MMS22L: variants seen among roughly 807,000 people sequenced by gnomAD.
MMS22L encodes protein MMS22-like.
A neutral mutation model predicts 159.1 loss-of-function variants in MMS22L; 74 were observed. The observed-to-expected ratio is 0.47, with a 90% CI of 0.39 to 0.56. The LOEUF is 0.56. MMS22L is among the 20% of genes least tolerant of loss of function. The pLI, the probability that MMS22L is intolerant of heterozygous loss-of-function variation, is 0.00. For missense variants in MMS22L, 1,351 were observed against 1,422.1 expected, an observed-to-expected ratio of 0.95 and a Z score of 0.80; for synonymous variants, 517 against 506.9, an observed-to-expected ratio of 1.02 and a Z score of -0.27.
chr6:97,148,515 C>T (rs1801025405), intron 24 of MMS22L, among the ~76,000 whole-genome samples: 1 of 151,900 alleles, frequency 6.6e-6, no homozygotes, highest in African/African-American at 2.4e-5. Context: ...CATCCTGACC[C>T]TGTGTAGGCT....
chr6:97,184,649 A>G (rs766975485), intron 15 of MMS22L, among the ~76,000 whole-genome samples: 19 of 152,032 alleles, frequency 1.2e-4, no homozygotes, highest in Non-Finnish European at 2.6e-4. Flanking sequence ...TGTCATCTCT[A>G]CCTTGAAAAT....
At chr6:97,269,832 C>T (rs937244435) in intron 7 of MMS22L, 70 bp downstream of exon 7, 3 of 1,111,402 alleles carry the variant, frequency 2.7e-6, no homozygotes, top group African/African-American at 3.2e-5. Flanking sequence ...GCACTTATTA[C>T]TTATGTAATT....
At chr6:97,264,384 T>A (rs1814846513) in intron 8 of MMS22L, 1 of 152,006 alleles carries the variant, frequency 6.6e-6, no homozygotes, top group African/African-American at 2.4e-5. Context: ...AATAAAAAAA[T>A]CCTCAGCAGC....
At chr6:97,181,725 A>G (rs1339152587) in intron 16 of MMS22L, among the ~76,000 whole-genome samples, 179 bp downstream of exon 16, 1 of 152,056 alleles carries the variant, frequency 6.6e-6, no homozygotes, top group Non-Finnish European at 1.5e-5. Flanking sequence ...ACAAAATATA[A>G]GTTAGTGTTC....
chr6:97,270,282 A>G, intron 6 of MMS22L: 1 of 541,396 alleles, frequency 1.8e-6, no homozygotes, highest in Non-Finnish European at 3.5e-6. Context: ...ATTCTACTAC[A>G]GCTGCAAGGC....
Position 97,283,161 on chromosome 6 carries a change from G to T in MMS22L, c.-142C>A, listed in dbSNP as rs1816927645. On this transcript the variant is annotated 5_prime_UTR_variant, in exon 1 of 25. Transcript: ENST00000683635. ...CCAGACCACCAACAGGAATCTTTGG[G>T]GTCTAAACCGCAAACAGGCGAAATT... 6.6e-6 allele frequency: 1 copy of T among 152,196 alleles called. No individual in the cohort carries two copies. Among genetic ancestry groups the T allele is most frequent in the Non-Finnish European group, 1.5e-5 (1 of 68,058 alleles). 9.4% of individuals were successfully genotyped at this position (152,196 alleles called of 1,614,324 possible). A position where few individuals can be genotyped will look rare whatever the true frequency, so the allele number is the denominator to read the frequency against.
At chr6:97,241,210 T>C (rs1447415982) in intron 11 of MMS22L, among the ~76,000 whole-genome samples, 2 of 152,238 alleles carry the variant, frequency 1.3e-5, no homozygotes, top group South Asian at 2.1e-4. Flanking sequence ...CACTCATTGA[T>C]TGATGGGTAT....
At chr6:97,153,026 A>G (rs566343187) in intron 22 of MMS22L, among the ~76,000 whole-genome samples, 6 of 151,886 alleles carry the variant, frequency 4.0e-5, no homozygotes, top group Admixed American at 3.3e-4. Context: ...CTTTTTGTAG[A>G]GATGGAGGTC....
chr6:97,150,935 C>A (rs535663935), intron 23 of MMS22L, among the ~76,000 whole-genome samples: 1 of 152,242 alleles, frequency 6.6e-6, no homozygotes, highest in African/African-American at 2.4e-5. Context: ...AGAAAATATG[C>A]CTCAAGTTGC....
rs1395971283 is a variant in MMS22L at position 97,231,635 on chromosome 6, A to T, written c.1320T>A (p.Ile440=). Reference sequence around the variant, plus strand: ...CAAGGCCTTTAAAAGGAAGCCAAGAAATACTGAAGGAACTATTCTAAAAGG... The same window carrying T: ...CAAGGCCTTTAAAAGGAAGCCAAGATATACTGAAGGAACTATTCTAAAAGG... ...YSKNLNSSFS[I]SWLPFKGLAN... Residue 440 remains isoleucine (I), a synonymous_variant, in exon 13 of 25, where the codon ATT becomes ATA. Transcript: ENST00000683635. The T allele has an allele frequency of 1.2e-6, 2 of 1,608,530 alleles. No individual in the cohort carries two copies. The highest frequency in any genetic ancestry group is 2.2e-5 in the South Asian group (2 of 90,744).
intron 22 of MMS22L, among the ~76,000 whole-genome samples, chr6:97,159,622 C>A (rs1802214182): frequency 6.6e-6 from 1 of 152,022 alleles, no homozygotes; most frequent in East Asian, 1.9e-4. Flanking sequence ...TTCCAAAGAT[C>A]CAAAATTCCA....
In MMS22L at chr6:97,179,567, AAC is replaced by A; in HGVS notation, c.2385-10_2385-9del. On this transcript the variant is annotated splice_polypyrimidine_tract_variant and intron_variant, in intron 16 of 24. Coordinates refer to ENST00000683635, the MANE Select transcript of MMS22L (RefSeq NM_001350599.2). ...AGTGCTTCACATAATGTGCTGTAGA[AAC>A]AAATTGACAAATATTTTTAAAACAA... 1 of 1,586,452 alleles carries A rather than the reference AAC, an allele frequency of 6.3e-7. No individual in the cohort carries two copies. Among genetic ancestry groups the A allele is most frequent in the South Asian group, 1.2e-5 (1 of 85,460 alleles).
At chr6:97,268,722 T>G (rs541551441) in intron 7 of MMS22L, among the ~76,000 whole-genome samples, 3 of 152,084 alleles carry the variant, frequency 2.0e-5, no homozygotes, top group African/African-American at 7.2e-5. Context: ...ACCAAGGTAA[T>G]AGATAACCAA....
At chr6:97,274,495 G>A (rs551745697) in intron 4 of MMS22L, among the ~76,000 whole-genome samples, 30 of 152,116 alleles carry the variant, frequency 2.0e-4, no homozygotes, top group African/African-American at 7.0e-4. Flanking sequence ...TAAAAATTAC[G>A]TCAAGCAAGT....
At chr6:97,226,091 C>T (rs1810216720) in intron 14 of MMS22L, among the ~76,000 whole-genome samples, 1 of 152,108 alleles carries the variant, frequency 6.6e-6, no homozygotes, top group Non-Finnish European at 1.5e-5. Flanking sequence ...CACAGAAATA[C>T]ATTTACAAAG....
At chr6:97,154,521 C>T (rs1413714423) in intron 22 of MMS22L, among the ~76,000 whole-genome samples, 1 of 152,086 alleles carries the variant, frequency 6.6e-6, no homozygotes, top group South Asian at 2.1e-4. Context: ...GAATCTGTTG[C>T]CAAATTCGAG....
At position 97,148,589 on chromosome 6, in the gene MMS22L, A is replaced by T. The variant is rs138088809; in HGVS notation, c.3650+1264T>A. Among the ~76,000 whole-genome samples the T allele has an allele frequency of 9.3e-3, 1,410 of 152,184 alleles. 21 individuals carry two copies. Among genetic ancestry groups the T allele is most frequent in the African/African-American group, 0.031 (1,289 of 41,554 alleles). Reference sequence around the variant, plus strand: ...GTTTAAAAATAAAAAATAATTTAAAAATAGAAAAAAGCTTATTCAAGAATA... The same window carrying T: ...GTTTAAAAATAAAAAATAATTTAAATATAGAAAAAAGCTTATTCAAGAATA... On this transcript the variant is annotated intron_variant, in intron 24 of 24. Transcript: ENST00000683635.
At position 97,146,300 on chromosome 6, in the gene MMS22L, T is replaced by C. The variant is rs1800924838; in HGVS notation, c.*506A>G. The C allele has an allele frequency of 6.6e-6, 1 of 152,278 alleles. No homozygotes were observed. Among genetic ancestry groups the C allele is most frequent in the South Asian group, 2.1e-4 (1 of 4,836 alleles). 9.4% of individuals were successfully genotyped at this position (152,278 alleles called of 1,614,324 possible). A position where few individuals can be genotyped will look rare whatever the true frequency, so the allele number is the denominator to read the frequency against. On this transcript the variant is annotated 3_prime_UTR_variant, in exon 25 of 25. Transcript: ENST00000683635. The stretch of plus-strand genomic sequence containing the variant: ...TTTCTTTGTTAACTTGCCTCACACA[T>C]ATAAAAAAGAAAAACAAATACACAG...
chr6:97,229,308 G>A lies in MMS22L; in HGVS notation c.1625C>T (p.Ala542Val). The change falls in exon 14 of 25, where the codon GCA becomes GTA. Residue 542 changes from alanine (A) to valine (V), a missense_variant. Coordinates refer to ENST00000683635, the MANE Select transcript of MMS22L (RefSeq NM_001350599.2). ...FSLFLLLAAV[A>V]EVEDVASHVL... ...ATGACTTGCAACATCTTCTACCTCT[G>A]CAACAGCTGCTAACAGTAGAAAAAG... The A allele has an allele frequency of 1.2e-6, 2 of 1,614,044 alleles. No individual in the cohort carries two copies. Among genetic ancestry groups the A allele is most frequent in the South Asian group, 1.1e-5 (1 of 91,072 alleles).
Sources: gnomAD v4.1 joint callset for allele counts (sites outside exome capture counted in the v4.1 genomes callset) on GRCh38, gnomAD v4.1.1 for gene constraint, MANE v1.5 for transcripts, NCBI Gene and HGNC (gene_info 2026-07-23, HGNC 2026-07-21) for gene names.